MPPED1: variants seen among roughly 807,000 people sequenced by gnomAD.
MPPED1 encodes the protein metallophosphoesterase domain containing 1.
Under a neutral mutation model 36.2 loss-of-function variants are expected in MPPED1, and 16 were observed. The observed-to-expected ratio is 0.44, with a 90% CI of 0.30 to 0.67. The LOEUF is 0.67. MPPED1 is among the 30% of genes least tolerant of loss of function. MPPED1 has a pLI of 0.10. For missense variants in MPPED1, 307 were observed against 453.4 expected (o/e 0.68, Z 2.93); for synonymous variants, 199 against 191.3 (o/e 1.04, Z -0.33).
chr22:43,447,884 T>TATATATATATATATATATATATATATA (rs1491157280), intron 3 of MPPED1, among the ~76,000 whole-genome samples: 3 of 46,210 alleles, frequency 6.5e-5, no homozygotes, highest in African/African-American at 2.0e-4. Flanking sequence ...TATATATATA[T>TATATATATATATATATATATATATATA]TTTTTTTTTT....
intron 1 of MPPED1, among the ~76,000 whole-genome samples, chr22:43,415,427 G>A (rs1250423717): frequency 6.6e-6 from 1 of 151,986 alleles, no homozygotes; most frequent in African/African-American, 2.4e-5. Context: ...TCCCCCTAAT[G>A]AGACAAGACT....
intron 1 of MPPED1, chr22:43,418,259 G>A: frequency 2.4e-6 from 1 of 424,222 alleles, no homozygotes; most frequent in South Asian, 1.7e-5. Context: ...AACTGGGGCT[G>A]TCCTGGGCCT....
intron 2 of MPPED1, 78 bp downstream of exon 2, chr22:43,425,287 G>A: frequency 6.8e-7 from 1 of 1,460,642 alleles, no homozygotes; most frequent in Non-Finnish European, 9.1e-7. Context: ...GTGCCTCCTG[G>A]TTCTGGGGGC....
intron 1 of MPPED1, among the ~76,000 whole-genome samples, chr22:43,417,220 G>T (rs79100145): frequency 0.025 from 3,785 of 152,206 alleles, 171 homozygotes; most frequent in African/African-American, 0.087. Flanking sequence ...AGGAATAGGG[G>T]CTAATTTTCA....
intron 3 of MPPED1, among the ~76,000 whole-genome samples, chr22:43,462,353 A>G (rs1224772597): frequency 1.3e-5 from 2 of 152,184 alleles, no homozygotes; most frequent in Non-Finnish European, 2.9e-5. Context: ...CCTCCTCCCG[A>G]GGCCTGGTTC....
At chr22:43,465,835 T>G (rs1387700072) in intron 3 of MPPED1, among the ~76,000 whole-genome samples, 1 of 151,986 alleles carries the variant, frequency 6.6e-6, no homozygotes, top group Non-Finnish European at 1.5e-5. Flanking sequence ...GGGTGCAAGG[T>G]TGGACGAGGA....
intron 3 of MPPED1, among the ~76,000 whole-genome samples, chr22:43,466,683 G>A (rs1418561829): frequency 1.3e-5 from 2 of 152,080 alleles, no homozygotes; most frequent in East Asian, 1.9e-4. Flanking sequence ...AGTGGACAGG[G>A]CCACTATCCA....
chr22:43,498,821 C>G (rs922893576), intron 5 of MPPED1, among the ~76,000 whole-genome samples: 3 of 152,030 alleles, frequency 2.0e-5, no homozygotes, highest in African/African-American at 7.2e-5. Flanking sequence ...CCAATCCACA[C>G]TGAGGTCATC....
rs952202903 is a variant in MPPED1 at position 43,445,623 on chromosome 22, C to G, written c.406+10408C>G. Among the ~76,000 whole-genome samples, 3 of 147,920 alleles carry G rather than the reference C, an allele frequency of 2.0e-5. No homozygotes were observed. In the East Asian group the frequency reaches 6.1e-4, roughly 30 times the overall value. ...TTGCCCAGTCTGGAGTGCGGTGGCA[C>G]AATCATTGCTTACTGCAGCCTTGAC... On this transcript the variant is annotated intron_variant, in intron 3 of 6. Transcript: ENST00000443721.
At chr22:43,443,704 G>A (rs1314120221) in intron 3 of MPPED1, among the ~76,000 whole-genome samples, 1 of 151,654 alleles carries the variant, frequency 6.6e-6, no homozygotes, top group Non-Finnish European at 1.5e-5. Context: ...TTTTTAAAGA[G>A]CTAACAAGAA....
At chr22:43,497,081 G>A (rs1379858242) in intron 4 of MPPED1, among the ~76,000 whole-genome samples, 1 of 149,086 alleles carries the variant, frequency 6.7e-6, no homozygotes, top group Non-Finnish European at 1.5e-5. Flanking sequence ...GGTGGTGGTG[G>A]AGGTAGTGGT....
At chr22:43,500,404 TGGTGGTGATGGAGGTGGTAATGGA>T (rs1224765370) in intron 5 of MPPED1, among the ~76,000 whole-genome samples, 5 of 148,198 alleles carry the variant, frequency 3.4e-5, no homozygotes, top group East Asian at 2.0e-4. Context: ...GAGGTGGTAG[TGGTGGTGATGGAGGTGGTAATGGA>T]GGTGGTGGTG....
At chr22:43,495,649 GGAGGTA>G (rs1467180360) in intron 4 of MPPED1, among the ~76,000 whole-genome samples, 5 of 88,142 alleles carry the variant, frequency 5.7e-5, no homozygotes, top group Non-Finnish European at 5.2e-5. Context: ...AGGTGATGGT[GGAGGTA>G]GTGGTGGTGG....
chr22:43,471,321 C>T (rs979652724), intron 3 of MPPED1, among the ~76,000 whole-genome samples: 2 of 152,192 alleles, frequency 1.3e-5, no homozygotes, highest in Admixed American at 1.3e-4. Flanking sequence ...GTGGCCACCC[C>T]CAACCCGAGC....
rs1371780674 is a variant in MPPED1, at chr22:43,500,116, A to T, written c.748+1766A>T. Among the ~76,000 whole-genome samples the T allele has an allele frequency of 4.3e-4, 28 of 64,830 alleles. 1 individual carries two copies. The highest frequency in any genetic ancestry group is 1.3e-3 in the African/African-American group (23 of 17,470). 42.5% of individuals were successfully genotyped at this position (64,830 alleles called of 152,430 possible). ...ATGGAGGTGGTAGTGGGGGTGATGAAGGTGGTGATGGAGGTGGTAATGGAG... is the reference window on the plus strand; with the variant it reads ...ATGGAGGTGGTAGTGGGGGTGATGATGGTGGTGATGGAGGTGGTAATGGAG... On this transcript the variant is annotated intron_variant, in intron 5 of 6. Transcript: ENST00000443721.
At chr22:43,448,302 G>C (rs1008045555) in intron 3 of MPPED1, among the ~76,000 whole-genome samples, 1 of 152,182 alleles carries the variant, frequency 6.6e-6, no homozygotes, top group Non-Finnish European at 1.5e-5. Context: ...GCCCCCATGT[G>C]GGTATGGAGC....
chr22:43,443,617 T>C (rs1209996767), intron 3 of MPPED1, among the ~76,000 whole-genome samples: 1 of 151,914 alleles, frequency 6.6e-6, no homozygotes, highest in East Asian at 1.9e-4. Flanking sequence ...CAAATATTTG[T>C]TAAAGGAATG....
At chr22:43,415,110 C>T (rs976596746) in intron 1 of MPPED1, among the ~76,000 whole-genome samples, 5 of 151,580 alleles carry the variant, frequency 3.3e-5, no homozygotes, top group Non-Finnish European at 7.4e-5. Context: ...CCCTGCAGCC[C>T]TCGTTCTTGC....
At chr22:43,493,996 G>T (rs1411587377) in intron 4 of MPPED1, among the ~76,000 whole-genome samples, 1 of 152,046 alleles carries the variant, frequency 6.6e-6, no homozygotes, top group African/African-American at 2.4e-5. Context: ...GGTTCCTTTT[G>T]GGGGGCTCTG....
Sources: allele counts gnomAD v4.1 joint callset (sites outside exome capture counted in the v4.1 genomes callset), GRCh38; gene constraint gnomAD v4.1.1; transcripts MANE v1.5; gene names NCBI Gene and HGNC (gene_info 2026-07-23, HGNC 2026-07-21).